Variants in PTBP3 observed in about 807,000 individuals in gnomAD.
PTBP3 encodes polypyrimidine tract binding protein 3.
PTBP3 carries 20 observed loss-of-function variants against 58.7 expected under a neutral mutation model. That is an observed-to-expected ratio of 0.34 (90% CI 0.24 to 0.50). The LOEUF is 0.50. PTBP3 is among the 20% of genes least tolerant of loss of function. The probability of loss-of-function intolerance (pLI) is 0.98; values close to 1 mark genes in which losing one functional copy is unlikely to be tolerated. For synonymous variants in PTBP3, 185 were observed against 219.8 expected (o/e 0.84, Z 1.40); for missense variants, 509 against 637.2 (o/e 0.80, Z 2.17).
chr9:112,370,691 G>T, the PTBP3 span, among the ~76,000 whole-genome samples: 1 of 152,262 alleles, frequency 6.6e-6, no homozygotes, highest in South Asian at 2.1e-4. Flanking sequence ...TTTTGATAGG[G>T]ATTGTATTGA....
chr9:112,225,229 T>C (rs951415066), intron 12 of PTBP3, among the ~76,000 whole-genome samples: 17 of 152,354 alleles, frequency 1.1e-4, no homozygotes, highest in African/African-American at 3.8e-4. Context: ...ATTAGCTCTG[T>C]AGGAAGACAG....
chr9:112,311,922 T>A (rs568125536), intron 1 of PTBP3, among the ~76,000 whole-genome samples: 78 of 152,260 alleles, frequency 5.1e-4, no homozygotes, highest in Middle Eastern at 3.4e-3. Flanking sequence ...GAGTAGCCAC[T>A]GCACTTCAGC....
At chr9:112,288,399 T>C (rs1349823998) in intron 2 of PTBP3, among the ~76,000 whole-genome samples, 1 of 152,218 alleles carries the variant, frequency 6.6e-6, no homozygotes, top group Non-Finnish European at 1.5e-5. Flanking sequence ...AAGCACTTTT[T>C]CTACACAGGC....
At chr9:112,378,519 G>A in the PTBP3 span, among the ~76,000 whole-genome samples, 2 of 152,214 alleles carry the variant, frequency 1.3e-5, no homozygotes, top group Non-Finnish European at 2.9e-5. Flanking sequence ...TAGATGATAT[G>A]AAGGAAATGT....
intron 1 of PTBP3, among the ~76,000 whole-genome samples, chr9:112,320,972 C>T (rs10739344): frequency 0.84 from 127,859 of 152,152 alleles, 54,026 homozygotes; most frequent in African/African-American, 0.92. Flanking sequence ...GATTCCTTAG[C>T]TAGATGAGAC....
intron 6 of PTBP3, 160 bp downstream of exon 6, chr9:112,252,518 A>AG (rs1383134287): frequency 3.8e-5 from 19 of 500,360 alleles, no homozygotes; most frequent in Middle Eastern, 4.5e-4. Flanking sequence ...TTTTTAGCTT[A>AG]GAAAAAAAAA....
At chr9:112,350,930 T>G in the PTBP3 span, among the ~76,000 whole-genome samples, 3 of 152,150 alleles carry the variant, frequency 2.0e-5, no homozygotes, top group East Asian at 5.8e-4. Flanking sequence ...TCCCGAGTAG[T>G]TGGGATTACA....
chr9:112,233,696 T>C (rs1835336900), intron 8 of PTBP3, among the ~76,000 whole-genome samples: 1 of 152,098 alleles, frequency 6.6e-6, no homozygotes, highest in Admixed American at 6.6e-5. Flanking sequence ...TTTGGGAGGC[T>C]GAGGCAGGCT....
At chr9:112,279,519 T>A (rs1302765337) in intron 2 of PTBP3, among the ~76,000 whole-genome samples, 1 of 152,066 alleles carries the variant, frequency 6.6e-6, no homozygotes, top group African/African-American at 2.4e-5. Flanking sequence ...GAATAAGACA[T>A]CCACCCACAT....
At chr9:112,330,545 G>T in intron 1 of PTBP3, 1 of 1,054,986 alleles carries the variant, frequency 9.5e-7, no homozygotes, top group Non-Finnish European at 1.4e-6. Context: ...GACAGAGATA[G>T]TAAGAATAAA....
chr9:112,256,272 A>AATATATATATAT lies in PTBP3; in HGVS notation c.517-3496_517-3485dup, dbSNP rs1186696553. 8.4e-5 allele frequency among the ~76,000 whole-genome samples: 7 copies of AATATATATATAT among 82,926 alleles called. No homozygotes were observed. In the East Asian group the frequency reaches 1.0e-3, roughly 12 times the overall value. The allele number at this position is 82,926 out of a possible 152,430, so 54.4% of individuals were successfully genotyped here. On this transcript the variant is annotated intron_variant, in intron 5 of 13. Coordinates refer to ENST00000374257, the MANE Select transcript of PTBP3 (RefSeq NM_001163788.4). The stretch of plus-strand genomic sequence containing the variant: ...TCCGTCTCAAAAAAAAAAAAAACAA[A>AATATATATATAT]ATATATATATATATATATATACATA...
intron 7 of PTBP3, among the ~76,000 whole-genome samples, chr9:112,245,091 T>C (rs943494450): frequency 1.3e-5 from 2 of 152,172 alleles, no homozygotes; most frequent in East Asian, 1.9e-4. Context: ...GGCAGATCAC[T>C]TGAGGTCAGG....
chr9:112,345,791 T>C, the PTBP3 span, among the ~76,000 whole-genome samples: 1 of 152,194 alleles, frequency 6.6e-6, no homozygotes. Flanking sequence ...TATTAAAATT[T>C]GTATATCATG....
intron 1 of PTBP3, among the ~76,000 whole-genome samples, chr9:112,321,906 C>A (rs535963896): frequency 6.6e-6 from 1 of 151,990 alleles, no homozygotes; most frequent in Non-Finnish European, 1.5e-5. Context: ...GAGGCCAAGG[C>A]GGGCGGATCA....
the PTBP3 span, among the ~76,000 whole-genome samples, chr9:112,366,885 A>AG: frequency 6.6e-6 from 1 of 152,158 alleles, no homozygotes; most frequent in African/African-American, 2.4e-5. Context: ...AGCAGCCAGG[A>AG]GGGGGGCTAT....
At chr9:112,335,381 G>T (rs1365619289), upstream of PTBP3, among the ~76,000 whole-genome samples, 1 of 151,738 alleles carries the variant, frequency 6.6e-6, no homozygotes, top group Non-Finnish European at 1.5e-5. Flanking sequence ...TGCCTCCCGA[G>T]TTCAAGTGAT....
rs1835032563 is a variant in PTBP3, at chr9:112,227,438, G to A, written c.1337C>T (p.Ser446Leu). The change falls in exon 12 of 14, where the codon TCA becomes TTA. Residue 446 changes from serine to leucine, a missense_variant. Ser to Leu is a moderately radical substitution (Grantham distance 145). Transcript: ENST00000374257. ...AATGTTGGAAAGATGCAGAGTGGCT[G>A]ATGGTGGAAAGATATTCTGGAAGTT... ...SKNFQNIFPP[S>L]ATLHLSNIPP... The A allele has an allele frequency of 3.7e-6, 6 of 1,613,978 alleles. No homozygotes were observed. Among genetic ancestry groups the A allele is most frequent in the Non-Finnish European group, 5.1e-6 (6 of 1,179,888 alleles).
In PTBP3 at chr9:112,232,139, G is replaced by C. The variant is rs1169294037; in HGVS notation, c.980C>G (p.Pro327Arg). ...RMAIPGASGIPGNSVLLVTNL... is the reference protein window; with the variant it reads ...RMAIPGASGIRGNSVLLVTNL... ...TGTGACGAGTAGAACAGAATTTCCT[G>C]GTATACCACTAGCCCCAGGAATGGC... is the stretch of plus-strand genomic sequence containing the variant. The change falls in exon 9 of 14, where the codon CCA becomes CGA. Residue 327 changes from proline (P) to arginine (R), a missense_variant. Around this residue, in one of 4 missense-constraint regions of PTBP3, gnomAD observed 121 missense variants for 114.8 expected, o/e 1.05. Transcript: ENST00000374257. The C allele has an allele frequency of 1.2e-6, 2 of 1,613,236 alleles. No homozygotes were observed. Among genetic ancestry groups the C allele is most frequent in the South Asian group, 2.2e-5 (2 of 90,916 alleles).
the PTBP3 span, among the ~76,000 whole-genome samples, chr9:112,378,608 T>C: frequency 1.1e-4 from 17 of 152,108 alleles, 1 homozygote; most frequent in Non-Finnish European, 2.5e-4. Flanking sequence ...GAGAGGAGAG[T>C]AAGTTATTTT....
Sources: gnomAD v4.1 joint callset for allele counts (sites outside exome capture counted in the v4.1 genomes callset) on GRCh38, gnomAD v4.1.1 for gene constraint, gnomAD v4.1.1 regional missense constraint, MANE v1.5 for transcripts, NCBI Gene and HGNC (gene_info 2026-07-23, HGNC 2026-07-21) for gene names.